The following PLCL1 variants were observed in gnomAD, a reference collection of about 807,000 sequenced individuals.
PLCL1 encodes phospholipase C like 1 (inactive), also known as inactive phospholipase C-like protein 1.
In PLCL1, 41 loss-of-function variants were observed where a neutral mutation model predicts 84.4. That is an observed-to-expected ratio of 0.49 (90% CI 0.38 to 0.63). The LOEUF is 0.63. Ranked by LOEUF, PLCL1 falls within the 30% of genes least tolerant of loss-of-function variation. PLCL1 has a pLI of 0.00. For synonymous variants in PLCL1, 490 were observed against 488.3 expected (o/e 1.00, Z -0.05); for missense variants, 1,206 against 1,367.8 (o/e 0.88, Z 1.87).
chr2:197,900,326 G>A (rs918582618), intron 1 of PLCL1, among the ~76,000 whole-genome samples: 5 of 152,182 alleles, frequency 3.3e-5, no homozygotes, highest in Non-Finnish European at 7.3e-5. Context: ...CTAAGTTTAG[G>A]TGAAATGGAG....
intron 1 of PLCL1, among the ~76,000 whole-genome samples, chr2:198,078,680 T>G (rs530669677): frequency 6.6e-6 from 1 of 152,286 alleles, no homozygotes; most frequent in African/African-American, 2.4e-5. Flanking sequence ...TGTGTAAATT[T>G]GTTCTAACAA....
chr2:198,085,370 CAG>C lies in PLCL1; in HGVS notation c.1856_1857del (p.Glu619GlyfsTer7). The C allele has an allele frequency of 6.2e-7, 1 of 1,611,870 alleles. No individual in the cohort carries two copies. Among genetic ancestry groups the C allele is most frequent in the Non-Finnish European group, 8.5e-7 (1 of 1,178,320 alleles). ...TGGGAAATGTGTTCATTTAGTGAAA[CAG>C]AGGCCAGCCGCATTGCAAATGAGTA... On this transcript the variant is annotated frameshift_variant, in exon 2 of 6. Transcript: ENST00000428675. LOFTEE classifies it high-confidence loss of function. The surrounding 1 kb of genome is among the most constrained non-coding windows in gnomAD (Gnocchi z 5.3).
rs1692953651 is a variant in PLCL1, at chr2:198,088,978, G to A, written c.2836G>A (p.Val946Met). Residue 946 changes from valine to methionine, a missense_variant, in exon 3 of 6, where the codon GTG (valine) becomes ATG (methionine). By Grantham distance (21) the Val-to-Met change is conservative (BLOSUM62 1). Coordinates refer to ENST00000428675, the MANE Select transcript of PLCL1 (RefSeq NM_006226.4). ...TSDNTPSVSLVMKDSFPYLEP... is the reference protein window; with the variant it reads ...TSDNTPSVSLMMKDSFPYLEP... ...TGACAATACTCCTTCAGTCTCACTT[G>A]TGATGAAAGACAGCTTTCCTTACCT... 2 of 1,613,852 alleles carry A rather than the reference G, an allele frequency of 1.2e-6. No individual in the cohort carries two copies. Among genetic ancestry groups the A allele is most frequent in the East Asian group, 2.2e-5 (1 of 44,878 alleles).
intron 5 of PLCL1, among the ~76,000 whole-genome samples, chr2:198,108,630 A>G (rs1693545947): frequency 2.0e-5 from 3 of 151,912 alleles, no homozygotes. Context: ...AGAAAGAAAA[A>G]TGACTAACGA....
At chr2:197,930,725 C>A in intron 1 of PLCL1, among the ~76,000 whole-genome samples, 1 of 152,082 alleles carries the variant, frequency 6.6e-6, no homozygotes, top group Non-Finnish European at 1.5e-5. Flanking sequence ...CATCTGCCTG[C>A]ATAATTTTCA....
intron 1 of PLCL1, among the ~76,000 whole-genome samples, chr2:197,885,496 G>A (rs1023274659): frequency 6.6e-6 from 1 of 152,160 alleles, no homozygotes; most frequent in Non-Finnish European, 1.5e-5. Flanking sequence ...ACAGTGGGGA[G>A]GGCAATATGT....
chr2:198,109,707 T>C (rs1693569275), intron 5 of PLCL1, among the ~76,000 whole-genome samples: 1 of 151,870 alleles, frequency 6.6e-6, no homozygotes, highest in African/African-American at 2.4e-5. Context: ...TTTGACTTTT[T>C]AAGTACAAAA....
At chr2:198,107,310 G>A (rs758348785) in intron 5 of PLCL1, among the ~76,000 whole-genome samples, 1 of 151,800 alleles carries the variant, frequency 6.6e-6, no homozygotes, top group African/African-American at 2.4e-5. Context: ...CAACACGTGG[G>A]GATTGTGGGA....
rs1692556537 is a variant in PLCL1 at position 198,075,457 on chromosome 2, C to T, written c.241-8301C>T. ...TATTAACAAAACTACGCATTGCATG[C>T]AGCAGTGGGATTAGTGAAAAGGACC... On this transcript the variant is annotated intron_variant, in intron 1 of 5. Transcript: ENST00000428675. 2.0e-5 allele frequency among the ~76,000 whole-genome samples: 3 copies of T among 152,292 alleles called. No homozygotes were observed. In the South Asian group the frequency reaches 6.2e-4, roughly 32 times the overall value.
At chr2:198,106,347 G>A (rs1014829344) in intron 5 of PLCL1, among the ~76,000 whole-genome samples, 5 of 151,928 alleles carry the variant, frequency 3.3e-5, no homozygotes, top group Admixed American at 1.3e-4. Context: ...CCCCTACTAT[G>A]CATTGGGCTC....
intron 5 of PLCL1, among the ~76,000 whole-genome samples, chr2:198,119,317 G>A (rs568532739): frequency 6.6e-6 from 1 of 152,028 alleles, no homozygotes; most frequent in East Asian, 1.9e-4. Flanking sequence ...AAAAGCCTAA[G>A]ACTTGAGTGA....
In PLCL1 at chr2:198,031,112, T is replaced by A. The variant is rs192327525; in HGVS notation, c.241-52646T>A. 2.5e-3 allele frequency among the ~76,000 whole-genome samples: 378 copies of A among 151,378 alleles called. 2 individuals carry two copies. Among genetic ancestry groups the A allele is most frequent in the African/African-American group, 8.6e-3 (356 of 41,238 alleles). On this transcript the variant is annotated intron_variant, in intron 1 of 5. Transcript: ENST00000428675. Reference sequence around the variant, plus strand: ...CTGGCCAGGCATAGTGATTTACACCTGTAATCCCAGTGCTTTGTGAGGTGG... The same window carrying A: ...CTGGCCAGGCATAGTGATTTACACCAGTAATCCCAGTGCTTTGTGAGGTGG...
chr2:198,082,948 G>A (rs1692759608), intron 1 of PLCL1, among the ~76,000 whole-genome samples: 1 of 152,180 alleles, frequency 6.6e-6, no homozygotes, highest in African/African-American at 2.4e-5. Flanking sequence ...CTGGAATTCT[G>A]TAACACTAAG....
intron 1 of PLCL1, among the ~76,000 whole-genome samples, chr2:198,068,018 C>T (rs1692361178): frequency 6.6e-6 from 1 of 152,134 alleles, no homozygotes; most frequent in Non-Finnish European, 1.5e-5. Flanking sequence ...GTAGTGAATT[C>T]ATTATGGATT....
At chr2:197,831,952 A>T (rs570450954) in intron 1 of PLCL1, among the ~76,000 whole-genome samples, 4 of 152,344 alleles carry the variant, frequency 2.6e-5, no homozygotes, top group African/African-American at 9.6e-5. Flanking sequence ...GTTCTTTGAA[A>T]CCAATGAGAA....
intron 1 of PLCL1, among the ~76,000 whole-genome samples, chr2:197,880,674 T>C (rs1200439620): frequency 1.3e-5 from 2 of 152,144 alleles, no homozygotes; most frequent in African/African-American, 2.4e-5. Flanking sequence ...ACATTATGTA[T>C]AGGAGAAAAG....
intron 1 of PLCL1, among the ~76,000 whole-genome samples, chr2:197,998,678 G>T (rs192675642): frequency 1.3e-4 from 20 of 152,182 alleles, no homozygotes; most frequent in African/African-American, 4.6e-4. Context: ...ACCTCCACAG[G>T]CAGTTGCTCC....
intron 1 of PLCL1, among the ~76,000 whole-genome samples, chr2:198,016,831 C>G (rs961030675): frequency 2.0e-5 from 3 of 152,174 alleles, no homozygotes; most frequent in Non-Finnish European, 2.9e-5. Flanking sequence ...AGACATGAAA[C>G]ATTTTATGCT....
At chr2:197,914,332 AT>A (rs111348712) in intron 1 of PLCL1, among the ~76,000 whole-genome samples, 417 of 144,886 alleles carry the variant, frequency 2.9e-3, no homozygotes, top group Middle Eastern at 0.011. Context: ...TTTTTATGTT[AT>A]TTTTTTTTTT....
Sources: allele counts gnomAD v4.1 joint callset (sites outside exome capture counted in the v4.1 genomes callset), GRCh38; gene constraint gnomAD v4.1.1; non-coding constraint Gnocchi (gnomAD v3.1); transcripts MANE v1.5; gene names NCBI Gene and HGNC (gene_info 2026-07-23, HGNC 2026-07-21).